The following AKR1C3 variants were observed in gnomAD, a reference collection of about 807,000 sequenced individuals.
The protein encoded by AKR1C3 is aldo-keto reductase family 1 member C3.
In AKR1C3, 48 loss-of-function variants were observed where a neutral mutation model predicts 43.6. The observed-to-expected ratio is 1.10, with a 90% CI of 0.87 to 1.40. AKR1C3 has a LOEUF of 1.40. AKR1C3 is among the 40% of genes most tolerant of loss of function. The pLI is 0.00. For synonymous variants in AKR1C3, 162 were observed against 139.6 expected (o/e 1.16, Z -1.13); for missense variants, 482 against 391.2 (o/e 1.23, Z -1.96).
chr10:5,106,797 T>TTTTA (rs1554787346), intron 8 of AKR1C3, among the ~76,000 whole-genome samples: 1 of 151,652 alleles, frequency 6.6e-6, no homozygotes, highest in Admixed American at 6.6e-5. Context: ...GCAGTGGAAA[T>TTTTA]TTTAACAAGT....
At chr10:5,071,134 A>G (rs1838606202) in intron 1 of AKR1C3, among the ~76,000 whole-genome samples, 1 of 152,200 alleles carries the variant, frequency 6.6e-6, no homozygotes, top group South Asian at 2.1e-4. Flanking sequence ...TTATGTTGCT[A>G]TAACAAAATA....
chr10:5,082,005 T>C (rs952080680), intron 1 of AKR1C3: 1 of 151,566 alleles, frequency 6.6e-6, no homozygotes, highest in Non-Finnish European at 1.5e-5. Flanking sequence ...TGCATTCTGT[T>C]TGTCTTAGAA....
intron 1 of AKR1C3, among the ~76,000 whole-genome samples, chr10:5,055,028 A>G (rs1838231029): frequency 6.6e-6 from 1 of 152,266 alleles, no homozygotes; most frequent in African/African-American, 2.4e-5. Context: ...GCAGGATTAG[A>G]TAAGCATACT....
At chr10:5,102,419 T>C (rs907964920) in intron 6 of AKR1C3, 66 bp from the exon 7 acceptor site, 5 of 1,271,232 alleles carry the variant, frequency 3.9e-6, no homozygotes, top group Non-Finnish European at 4.4e-6. Context: ...CCTTAGTCTG[T>C]TTAGGGAGCC....
intron 1 of AKR1C3, among the ~76,000 whole-genome samples, chr10:5,058,827 A>G (rs993201458): frequency 2.6e-5 from 4 of 152,242 alleles, no homozygotes; most frequent in African/African-American, 9.6e-5. Context: ...CTCCTAGACC[A>G]CAAGGAGGAC....
At chr10:5,096,954 T>C (rs1588354713) in intron 2 of AKR1C3, among the ~76,000 whole-genome samples, 2 of 152,318 alleles carry the variant, frequency 1.3e-5, no homozygotes, top group South Asian at 2.1e-4. Flanking sequence ...GAAAGCAATA[T>C]AAGAAAGCTC....
intron 1 of AKR1C3, chr10:5,048,946 A>C: frequency 1.4e-6 from 2 of 1,480,032 alleles, no homozygotes; most frequent in South Asian, 1.1e-5. Flanking sequence ...AAGCCAGAAT[A>C]AGTGGAAGCT....
intron 1 of AKR1C3, among the ~76,000 whole-genome samples, chr10:5,068,248 T>G (rs1838549835): frequency 6.6e-6 from 1 of 152,156 alleles, no homozygotes. Flanking sequence ...GAACATACAT[T>G]AGCATTATTC....
intron 1 of AKR1C3, among the ~76,000 whole-genome samples, chr10:5,095,526 C>A (rs1163760992): frequency 6.6e-6 from 1 of 151,060 alleles, no homozygotes; most frequent in Non-Finnish European, 1.5e-5. Context: ...GCGGGGAGAC[C>A]GTTATCTAGT....
At chr10:5,080,854 T>G (rs1838822385) in intron 1 of AKR1C3, 1 of 151,812 alleles carries the variant, frequency 6.6e-6, no homozygotes, top group Non-Finnish European at 1.5e-5. Flanking sequence ...ATAGCGGGAG[T>G]TGCCACTGAC....
In AKR1C3 at chr10:5,099,245, T is replaced by C. The variant is rs1839289327; in HGVS notation, c.448-82T>C. 1.6e-5 allele frequency: 25 copies of C among 1,588,662 alleles called. No homozygotes were observed. The South Asian group carries it at 2.9e-4, about 18-fold the overall frequency. Reference sequence around the variant, plus strand: ...TTTCATTGTCATACTTTGAAAGTTGTTGCTCTCACAGTTCTGTCTTGCATT... The same window carrying C: ...TTTCATTGTCATACTTTGAAAGTTGCTGCTCTCACAGTTCTGTCTTGCATT... On this transcript the variant is annotated intron_variant, in intron 4 of 8. Transcript: ENST00000380554.
At chr10:5,066,648 ACCT>A (rs1838509617) in intron 1 of AKR1C3, among the ~76,000 whole-genome samples, 1 of 151,958 alleles carries the variant, frequency 6.6e-6, no homozygotes, top group African/African-American at 2.4e-5. Flanking sequence ...CATAAGCCAA[ACCT>A]CCTAAAATAG....
chr10:5,064,345 G>A (rs113563378), intron 1 of AKR1C3, among the ~76,000 whole-genome samples: 18 of 152,012 alleles, frequency 1.2e-4, no homozygotes, highest in Non-Finnish European at 2.2e-4. Flanking sequence ...AGATTGAAAC[G>A]GGAAAGCCTT....
At chr10:5,049,303 G>A (rs1554778718) in intron 1 of AKR1C3, among the ~76,000 whole-genome samples, 1 of 152,012 alleles carries the variant, frequency 6.6e-6, no homozygotes, top group East Asian at 1.9e-4. Flanking sequence ...AATTTTTGTG[G>A]CAAAATTTAG....
At chr10:5,061,890 A>G (rs1318703206) in intron 1 of AKR1C3, among the ~76,000 whole-genome samples, 9 of 152,236 alleles carry the variant, frequency 5.9e-5, no homozygotes, top group Non-Finnish European at 8.8e-5. Flanking sequence ...GCCATTACAT[A>G]TTACTCTCAA....
At chr10:5,071,763 C>T (rs1329491755) in intron 1 of AKR1C3, among the ~76,000 whole-genome samples, 2 of 152,246 alleles carry the variant, frequency 1.3e-5, no homozygotes, top group Non-Finnish European at 2.9e-5. Context: ...AGGAGTCCAA[C>T]TTCCCTTAGT....
rs370092384 is a variant in AKR1C3 at position 5,096,414 on chromosome 10, C to A, written c.89C>A (p.Pro30Gln). 1.9e-6 allele frequency: 3 copies of A among 1,612,424 alleles called. No individual in the cohort carries two copies. In the African/African-American group the frequency reaches 4.0e-5, roughly 22 times the overall value. ...GFGTYAPPEV[P>Q]RSKALEVTKL... ...TACCTTTGGTTGCTCCTCCAGGTTCCGAGAAGTAAAGCTTTGGAGGTCACA... is the reference window on the plus strand; with the variant it reads ...TACCTTTGGTTGCTCCTCCAGGTTCAGAGAAGTAAAGCTTTGGAGGTCACA... The change falls in exon 2 of 9, where the codon CCG becomes CAG. Residue 30 changes from proline to glutamine, a missense_variant. By Grantham distance (76) the Pro-to-Gln change is moderately conservative (BLOSUM62 -1). Coordinates refer to ENST00000380554, the MANE Select transcript of AKR1C3 (RefSeq NM_003739.6).
chr10:5,087,546 T>G (rs527785344), intron 1 of AKR1C3, among the ~76,000 whole-genome samples: 1 of 151,876 alleles, frequency 6.6e-6, no homozygotes, highest in Non-Finnish European at 1.5e-5. Flanking sequence ...CTACTGTTTT[T>G]TGTATTTTTA....
chr10:5,094,193 G>T, upstream of AKR1C3: 4 of 237,996 alleles, frequency 1.7e-5, no homozygotes, highest in Non-Finnish European at 3.3e-5. Flanking sequence ...ACTTTAGATA[G>T]AAATTAATGA....
Sources: gnomAD v4.1 joint callset for allele counts (sites outside exome capture counted in the v4.1 genomes callset) on GRCh38, gnomAD v4.1.1 for gene constraint, MANE v1.5 for transcripts, NCBI Gene and HGNC (gene_info 2026-07-23, HGNC 2026-07-21) for gene names.